PRKCA: variants seen among roughly 807,000 people sequenced by gnomAD.
PRKCA encodes the protein protein kinase C alpha.
Under a neutral mutation model 87.0 loss-of-function variants are expected in PRKCA, and 27 were observed. The ratio of observed to expected loss-of-function variants is 0.31; its 90% CI spans 0.23 to 0.43. PRKCA has a LOEUF of 0.43. PRKCA is among the 20% of genes least tolerant of loss of function. The pLI, the probability that PRKCA is intolerant of heterozygous loss-of-function variation, is 1.00. For synonymous variants in PRKCA, 329 were observed against 311.1 expected, an observed-to-expected ratio of 1.06 and a Z score of -0.61; for missense variants, 518 against 852.3, an observed-to-expected ratio of 0.61 and a Z score of 4.88.
At chr17:66,584,015 G>T (rs1437032134) in intron 3 of PRKCA, among the ~76,000 whole-genome samples, 1 of 152,068 alleles carries the variant, frequency 6.6e-6, no homozygotes, top group Admixed American at 6.5e-5. Context: ...AAGTCTGTTG[G>T]GTAGCCAGAA....
chr17:66,397,724 T>C (rs8081607), intron 2 of PRKCA, among the ~76,000 whole-genome samples: 148,789 of 152,166 alleles, frequency 0.98, 72,772 homozygotes, highest in East Asian at 1. Context: ...AACATCAAGA[T>C]GTGTAGTCTG....
rs1396835731 is a variant in PRKCA, at chr17:66,418,131, T to A, written c.206-78070T>A. On this transcript the variant is annotated intron_variant, in intron 2 of 16. Transcript: ENST00000413366. Reference sequence around the variant, plus strand: ...TCCCCCATTTGGAAGGACGTGCAGGTGTGAAGGAAGGACAGTTCTTGCTGA... The same window carrying A: ...TCCCCCATTTGGAAGGACGTGCAGGAGTGAAGGAAGGACAGTTCTTGCTGA... 1.3e-5 allele frequency among the ~76,000 whole-genome samples: 2 copies of A among 152,108 alleles called. 1 individual carries two copies.
chr17:66,760,658 AAG>A (rs1385867295), intron 13 of PRKCA, among the ~76,000 whole-genome samples: 1 of 152,232 alleles, frequency 6.6e-6, no homozygotes, highest in Non-Finnish European at 1.5e-5. Context: ...AATTAAGAAA[AAG>A]AGAGAGCACA....
intron 2 of PRKCA, among the ~76,000 whole-genome samples, chr17:66,440,687 G>C (rs1239541819): frequency 6.6e-6 from 1 of 152,130 alleles, no homozygotes; most frequent in Non-Finnish European, 1.5e-5. Flanking sequence ...CAGACCGAGG[G>C]TGGGCTAGTG....
chr17:66,517,506 G>A (rs75878780), intron 3 of PRKCA, among the ~76,000 whole-genome samples: 5,288 of 152,076 alleles, frequency 0.035, 329 homozygotes, highest in African/African-American at 0.12. Context: ...TCATCTCCCC[G>A]TCCCTGTCCT....
intron 3 of PRKCA, among the ~76,000 whole-genome samples, chr17:66,588,678 T>C (rs1295447153): frequency 1.4e-5 from 2 of 139,904 alleles, no homozygotes; most frequent in African/African-American, 5.6e-5. Flanking sequence ...TTTCGCTTTG[T>C]TGCCCAGGCT....
chr17:66,340,099 G>A (rs1009349974), intron 2 of PRKCA: 3 of 152,138 alleles, frequency 2.0e-5, no homozygotes, highest in African/African-American at 7.2e-5. Context: ...TTAGTTCTGT[G>A]TTAAACATGT....
chr17:66,589,661 T>G (rs1969735358), intron 3 of PRKCA, among the ~76,000 whole-genome samples: 5 of 152,166 alleles, frequency 3.3e-5, no homozygotes, highest in Admixed American at 2.6e-4. Context: ...GTGTTTAGCA[T>G]AATGGGGAGG....
At chr17:66,783,689 A>C (rs773018803) in intron 14 of PRKCA, among the ~76,000 whole-genome samples, 17 of 152,236 alleles carry the variant, frequency 1.1e-4, no homozygotes, top group Non-Finnish European at 2.2e-4. Context: ...AATCGTCTTC[A>C]AATGAGGAGA....
At chr17:66,536,130 TC>T (rs1336104454) in intron 3 of PRKCA, among the ~76,000 whole-genome samples, 3 of 152,232 alleles carry the variant, frequency 2.0e-5, no homozygotes, top group African/African-American at 7.2e-5. Context: ...CCTCTCCAAT[TC>T]TGACATTTCT....
At chr17:66,593,043 G>A (rs1969859771) in intron 3 of PRKCA, among the ~76,000 whole-genome samples, 1 of 152,202 alleles carries the variant, frequency 6.6e-6, no homozygotes, top group Non-Finnish European at 1.5e-5. Context: ...ACCCGCCTCA[G>A]CCTACCAAAG....
chr17:66,795,741 T>C (rs945783646), intron 16 of PRKCA, among the ~76,000 whole-genome samples: 4 of 152,212 alleles, frequency 2.6e-5, no homozygotes, highest in African/African-American at 7.2e-5. Context: ...CCAACAACGA[T>C]GGCCATTACA....
intron 2 of PRKCA, among the ~76,000 whole-genome samples, chr17:66,388,197 C>T (rs2143622777): frequency 6.6e-6 from 1 of 152,250 alleles, no homozygotes; most frequent in East Asian, 1.9e-4. Context: ...GCAGGGATGA[C>T]ATCTTTAGCT....
intron 14 of PRKCA, among the ~76,000 whole-genome samples, chr17:66,778,464 C>T (rs981241266): frequency 2.0e-5 from 3 of 152,064 alleles, no homozygotes; most frequent in Non-Finnish European, 4.4e-5. Flanking sequence ...TGCAGTGAGC[C>T]GAGATCGCGC....
At chr17:66,350,736 G>C (rs1439808823) in intron 2 of PRKCA, among the ~76,000 whole-genome samples, 1 of 151,974 alleles carries the variant, frequency 6.6e-6, no homozygotes, top group Non-Finnish European at 1.5e-5. Flanking sequence ...TGTTGCCCAG[G>C]CTGGCCTTGA....
At chr17:66,611,189 G>T (rs7225072) in intron 3 of PRKCA, among the ~76,000 whole-genome samples, 4,924 of 152,204 alleles carry the variant, frequency 0.032, 259 homozygotes, top group African/African-American at 0.11. Flanking sequence ...GATTTATCAA[G>T]ATACAATTCA....
chr17:66,558,370 G>A (rs1968566840), intron 3 of PRKCA, among the ~76,000 whole-genome samples: 1 of 151,288 alleles, frequency 6.6e-6, no homozygotes, highest in Admixed American at 6.6e-5. Context: ...AGGAGTACTG[G>A]TAAGGAATAG....
chr17:66,372,135 T>C (rs1909149892), intron 2 of PRKCA, among the ~76,000 whole-genome samples: 1 of 152,186 alleles, frequency 6.6e-6, no homozygotes, highest in Non-Finnish European at 1.5e-5. Flanking sequence ...CATTTAAAAA[T>C]GTGTCTTCTG....
intron 3 of PRKCA, among the ~76,000 whole-genome samples, chr17:66,622,990 C>T (rs1970733616): frequency 6.6e-6 from 1 of 152,190 alleles, no homozygotes; most frequent in South Asian, 2.1e-4. Context: ...TCCCAGGAAA[C>T]CGTTGATTTG....
Sources: allele counts gnomAD v4.1 joint callset (sites outside exome capture counted in the v4.1 genomes callset), GRCh38; gene constraint gnomAD v4.1.1; transcripts MANE v1.5; gene names NCBI Gene and HGNC (gene_info 2026-07-23, HGNC 2026-07-21).